TDRD12: variants seen among roughly 807,000 people sequenced by gnomAD.
TDRD12 encodes the protein tudor domain containing 12, also known as putative ATP-dependent RNA helicase TDRD12.
TDRD12 carries 158 observed loss-of-function variants against 133.5 expected under a neutral mutation model. That is an observed-to-expected ratio of 1.18 (90% CI 1.04 to 1.35). The LOEUF (loss-of-function observed/expected upper bound fraction) is 1.35, where lower values mean the gene tolerates loss of function less well. TDRD12 is among the 40% of genes most tolerant of loss of function. The probability of loss-of-function intolerance (pLI) is 0.00; values close to 1 mark genes in which losing one functional copy is unlikely to be tolerated. For missense variants in TDRD12, 1,443 were observed against 1,321.3 expected (o/e 1.09, Z -1.43); for synonymous variants, 460 against 477.9 (o/e 0.96, Z 0.49).
chr19:32,761,312 A>G (rs945791733), intron 8 of TDRD12, among the ~76,000 whole-genome samples: 9 of 152,026 alleles, frequency 5.9e-5, no homozygotes, highest in Admixed American at 1.3e-4. Flanking sequence ...TTGTATTTTT[A>G]GTAGAGACGG....
At chr19:32,750,928 A>G (rs1417655804) in intron 6 of TDRD12, among the ~76,000 whole-genome samples, 3 of 152,186 alleles carry the variant, frequency 2.0e-5, no homozygotes, top group Non-Finnish European at 4.4e-5. Flanking sequence ...ATGTCTAATT[A>G]CTAGTGATGT....
intron 2 of TDRD12, among the ~76,000 whole-genome samples, chr19:32,736,109 C>A (rs1302806420): frequency 6.6e-6 from 1 of 152,114 alleles, no homozygotes; most frequent in Non-Finnish European, 1.5e-5. Context: ...AGTCCTGTGA[C>A]CCTTAAAGAT....
intron 1 of TDRD12, 37 bp from the exon 2 acceptor site, chr19:32,731,688 C>T (rs762378713): frequency 1.5e-5 from 22 of 1,493,156 alleles, no homozygotes; most frequent in Middle Eastern, 2.4e-4. Flanking sequence ...ACTTTTAAAT[C>T]ATACGCTGTT....
At chr19:32,734,701 CATTTT>C (rs1969173533) in intron 2 of TDRD12, among the ~76,000 whole-genome samples, 1 of 152,060 alleles carries the variant, frequency 6.6e-6, no homozygotes, top group Non-Finnish European at 1.5e-5. Flanking sequence ...AAACAGACCT[CATTTT>C]ATTGTGAATT....
At chr19:32,748,637 C>G in intron 5 of TDRD12, 106 bp downstream of exon 5, 1 of 1,188,292 alleles carries the variant, frequency 8.4e-7, no homozygotes, top group Non-Finnish European at 1.2e-6. Context: ...GCCAAACGGC[C>G]CTCCTCAGAG....
chr19:32,774,875 C>G (rs1970536537), intron 10 of TDRD12, among the ~76,000 whole-genome samples: 1 of 151,926 alleles, frequency 6.6e-6, no homozygotes, highest in Non-Finnish European at 1.5e-5. Context: ...ATCTCAGCTA[C>G]TCGGGAGGCA....
chr19:32,770,948 G>T (rs1038375711), intron 8 of TDRD12, among the ~76,000 whole-genome samples: 1 of 152,120 alleles, frequency 6.6e-6, no homozygotes, highest in Non-Finnish European at 1.5e-5. Context: ...AAGTAGGGAG[G>T]TGTCTTTGTT....
chr19:32,815,466 TC>T lies in TDRD12; in HGVS notation c.3162del (p.Ser1055ValfsTer2). The T allele has an allele frequency of 1.3e-6, 2 of 1,536,002 alleles. No individual in the cohort carries two copies. The highest frequency in any genetic ancestry group is 1.7e-6 in the Non-Finnish European group (2 of 1,146,836). The stretch of plus-strand genomic sequence containing the variant: ...ATTCAAGGTGCACATTACAAACCTT[TC>T]CAGTTTAAAAACCTCTGTCATTGAT... On this transcript the variant is annotated frameshift_variant, in exon 26 of 28. Coordinates refer to ENST00000444215, the Ensembl canonical transcript of TDRD12. LOFTEE classifies it high-confidence loss of function.
intron 2 of TDRD12, among the ~76,000 whole-genome samples, chr19:32,737,321 C>G (rs1456332083): frequency 6.6e-6 from 1 of 151,946 alleles, no homozygotes; most frequent in Admixed American, 6.6e-5. Flanking sequence ...CCTCCTGCCT[C>G]AGCCTCCTGA....
At chr19:32,781,194 C>T (rs1011273393) in intron 11 of TDRD12, among the ~76,000 whole-genome samples, 104 of 152,192 alleles carry the variant, frequency 6.8e-4, no homozygotes, top group African/African-American at 2.4e-3. Context: ...CTGCCTGCCT[C>T]GGCCTCCCAA....
chr19:32,753,023 A>C (rs1160028208), intron 6 of TDRD12, among the ~76,000 whole-genome samples: 1 of 150,666 alleles, frequency 6.6e-6, no homozygotes, highest in Non-Finnish European at 1.5e-5. Flanking sequence ...CGATCTCCTG[A>C]CCTCGTGATC....
chr19:32,757,948 A>G (rs1970043462), intron 8 of TDRD12, among the ~76,000 whole-genome samples: 1 of 152,226 alleles, frequency 6.6e-6, no homozygotes, highest in South Asian at 2.1e-4. Context: ...TCATAGAGAA[A>G]GAAAGATACA....
At chr19:32,749,974 A>C (rs1342529680) in intron 6 of TDRD12, 105 bp downstream of exon 6, 2 of 824,174 alleles carry the variant, frequency 2.4e-6, no homozygotes, top group African/African-American at 3.5e-5. Flanking sequence ...ACAGCATAGA[A>C]ATTGTCTTAA....
chr19:32,788,714 C>G (rs577664786), intron 11 of TDRD12, among the ~76,000 whole-genome samples: 64 of 152,210 alleles, frequency 4.2e-4, no homozygotes, highest in African/African-American at 1.5e-3. Context: ...CCTTGATTGT[C>G]TGCCTGTATT....
At chr19:32,828,373 T>C (rs971632137) in exon 10 of TDRD12, 1 of 151,918 alleles carries the variant, frequency 6.6e-6, no homozygotes, top group Non-Finnish European at 1.5e-5. Flanking sequence ...CCCATCTGCA[T>C]TGTGGCTGCA....
At chr19:32,731,001 C>T (rs1051355474) in intron 1 of TDRD12, among the ~76,000 whole-genome samples, 3 of 152,108 alleles carry the variant, frequency 2.0e-5, no homozygotes, top group Non-Finnish European at 2.9e-5. Context: ...GGTGACACAG[C>T]GAGACCTTTT....
At chr19:32,767,510 T>C (rs1386679301) in intron 8 of TDRD12, among the ~76,000 whole-genome samples, 1 of 152,214 alleles carries the variant, frequency 6.6e-6, no homozygotes, top group Non-Finnish European at 1.5e-5. Flanking sequence ...AATTCTTTCT[T>C]TTTTTGAAAG....
intron 9 of TDRD12, 35 bp downstream of exon 9, chr19:32,772,885 T>C: frequency 3.3e-6 from 4 of 1,209,156 alleles, no homozygotes; most frequent in Non-Finnish European, 4.4e-6. Context: ...AATACAAAGT[T>C]CATATAGTGT....
At chr19:32,731,913 T>C in intron 2 of TDRD12, 30 bp downstream of exon 2, 1 of 1,505,588 alleles carries the variant, frequency 6.6e-7, no homozygotes, top group Non-Finnish European at 8.9e-7. Flanking sequence ...TTAATCACTG[T>C]GTATTGAAAC....
Sources: gnomAD v4.1 joint callset for allele counts (sites outside exome capture counted in the v4.1 genomes callset) on GRCh38, gnomAD v4.1.1 for gene constraint, MANE v1.5 for transcripts, NCBI Gene and HGNC (gene_info 2026-07-23, HGNC 2026-07-21) for gene names.